Variants in PTPRK observed in about 807,000 individuals in gnomAD.
PTPRK encodes the protein receptor-type tyrosine-protein phosphatase kappa.
A neutral mutation model predicts 178.0 loss-of-function variants in PTPRK; 75 were observed. The ratio of observed to expected loss-of-function variants is 0.42; its 90% CI spans 0.35 to 0.51. The LOEUF is 0.51. Ranked by LOEUF, PTPRK falls within the 20% of genes least tolerant of loss-of-function variation. PTPRK has a pLI of 0.02. For synonymous variants in PTPRK, 637 were observed against 620.6 expected, an observed-to-expected ratio of 1.03 and a Z score of -0.39; for missense variants, 1,441 against 1,797.8, an observed-to-expected ratio of 0.80 and a Z score of 3.59.
chr6:128,183,222 G>A (rs1240667450), intron 7 of PTPRK, among the ~76,000 whole-genome samples: 1 of 152,048 alleles, frequency 6.6e-6, no homozygotes, highest in Non-Finnish European at 1.5e-5. Flanking sequence ...AGATTATGGG[G>A]TCAACTTGCC....
intron 1 of PTPRK, chr6:128,472,669 G>T (rs1360354244): frequency 2.9e-6 from 1 of 347,710 alleles, no homozygotes; most frequent in Admixed American, 3.5e-5. Flanking sequence ...CATACAACTT[G>T]CTCTTTAACC....
At chr6:128,062,099 A>G (rs1014151891) in intron 13 of PTPRK, 1 of 152,420 alleles carries the variant, frequency 6.6e-6, no homozygotes, top group African/African-American at 2.4e-5. Flanking sequence ...TCATATTGAA[A>G]AATTTCACAC....
In PTPRK at chr6:128,140,091, G is replaced by A. The variant is rs116225406; in HGVS notation, c.1162+44341C>T. Among the ~76,000 whole-genome samples, 943 of 152,040 alleles carry A rather than the reference G, an allele frequency of 6.2e-3. 18 individuals carry two copies. Among genetic ancestry groups the A allele is most frequent in the African/African-American group, 0.022 (893 of 41,500 alleles). On this transcript the variant is annotated intron_variant, in intron 7 of 29. Transcript: ENST00000368226. ...CCCTATCTTGCATCCAGATACACAAGTTGCAACATTGCTTCCAGACTCCTT... is the reference window on the plus strand; with the variant it reads ...CCCTATCTTGCATCCAGATACACAAATTGCAACATTGCTTCCAGACTCCTT...
chr6:128,330,465 A>G (rs924367433), intron 2 of PTPRK, among the ~76,000 whole-genome samples: 3 of 151,908 alleles, frequency 2.0e-5, no homozygotes, highest in Admixed American at 6.6e-5. Context: ...AATCAGTTTG[A>G]TTTTTCCCCT....
At chr6:128,337,413 AAT>A (rs1327111044) in intron 2 of PTPRK, among the ~76,000 whole-genome samples, 1 of 152,178 alleles carries the variant, frequency 6.6e-6, no homozygotes, top group Non-Finnish European at 1.5e-5. Context: ...AAAGTTACTG[AAT>A]ATGTAAAGTG....
At chr6:128,466,538 CAG>C (rs1291301128) in intron 1 of PTPRK, among the ~76,000 whole-genome samples, 2 of 152,144 alleles carry the variant, frequency 1.3e-5, no homozygotes, top group South Asian at 2.1e-4. Context: ...TTTGAAATGT[CAG>C]AGTCTAGAAA....
intron 29 of PTPRK, among the ~76,000 whole-genome samples, chr6:127,970,522 T>A (rs1773784889): frequency 6.6e-6 from 1 of 152,098 alleles, no homozygotes; most frequent in African/African-American, 2.4e-5. Flanking sequence ...TTCTATCAAT[T>A]TTTTAAATAT....
intron 7 of PTPRK, among the ~76,000 whole-genome samples, chr6:128,113,698 G>C (rs1246445287): frequency 6.6e-6 from 1 of 151,990 alleles, no homozygotes; most frequent in African/African-American, 2.4e-5. Flanking sequence ...TGTGTATATT[G>C]AAAGACAGTT....
chr6:128,004,583 T>C (rs1778210992), intron 15 of PTPRK, among the ~76,000 whole-genome samples: 1 of 151,782 alleles, frequency 6.6e-6, no homozygotes, highest in East Asian at 1.9e-4. Flanking sequence ...TAGACTAATG[T>C]TTCCCTGAGT....
Position 128,128,465 on chromosome 6 carries a change from C to T in PTPRK, c.1163-38473G>A, listed in dbSNP as rs566599811. 3.8e-4 allele frequency among the ~76,000 whole-genome samples: 58 copies of T among 152,280 alleles called. No individual in the cohort carries two copies. The South Asian group carries it at 9.5e-3, about 25-fold the overall frequency. On this transcript the variant is annotated intron_variant, in intron 7 of 29. Coordinates refer to ENST00000368226, the MANE Select transcript of PTPRK (RefSeq NM_002844.4). The stretch of plus-strand genomic sequence containing the variant: ...CCCTTCAAATGGACACAGGTACAGC[C>T]GTCAATTCTCTTCCCTTGATTCCCA...
intron 6 of PTPRK, among the ~76,000 whole-genome samples, chr6:128,199,896 C>A (rs577519656): frequency 2.0e-4 from 30 of 152,278 alleles, no homozygotes; most frequent in African/African-American, 7.2e-4. Flanking sequence ...TGAAGAATAG[C>A]CATCTGCAAA....
chr6:128,274,010 A>G (rs1820328740), intron 3 of PTPRK, among the ~76,000 whole-genome samples: 1 of 152,162 alleles, frequency 6.6e-6, no homozygotes, highest in Non-Finnish European at 1.5e-5. Flanking sequence ...TTAATATGGT[A>G]AGAGTGAAAA....
intron 2 of PTPRK, among the ~76,000 whole-genome samples, chr6:128,380,581 A>G (rs997930255): frequency 3.3e-5 from 5 of 151,240 alleles, no homozygotes; most frequent in Non-Finnish European, 5.9e-5. Context: ...TGTGTATGCA[A>G]TATTACACTT....
intron 2 of PTPRK, among the ~76,000 whole-genome samples, chr6:128,356,562 C>T (rs1833992995): frequency 6.6e-6 from 1 of 152,144 alleles, no homozygotes; most frequent in Non-Finnish European, 1.5e-5. Flanking sequence ...AACTATTGTT[C>T]TTTTTCCTGC....
chr6:128,009,212 CTCTG>C lies in PTPRK; in HGVS notation c.2247_2250del (p.Asp749GlufsTer3). Reference sequence around the variant, plus strand: ...GCACTAATTCCTGCTATTTTCACCACTCTGTCTGTCTGCTTGGCGGGATCTGGGA... The same window carrying C: ...GCACTAATTCCTGCTATTTTCACCACTCTGTCTGCTTGGCGGGATCTGGGA... On this transcript the variant is annotated frameshift_variant, in exon 14 of 30. Coordinates refer to ENST00000368226, the MANE Select transcript of PTPRK (RefSeq NM_002844.4). LOFTEE classifies it high-confidence loss of function. 3 of 1,609,044 alleles carry C rather than the reference CTCTG, an allele frequency of 1.9e-6. No individual in the cohort carries two copies. Among genetic ancestry groups the C allele is most frequent in the Non-Finnish European group, 2.5e-6 (3 of 1,176,874 alleles).
At chr6:128,402,475 A>G (rs1841153899) in intron 1 of PTPRK, among the ~76,000 whole-genome samples, 1 of 152,126 alleles carries the variant, frequency 6.6e-6, no homozygotes, top group African/African-American at 2.4e-5. Context: ...GATGGTCTCA[A>G]TCTCTTGACC....
chr6:128,376,057 C>T (rs1837028262), intron 2 of PTPRK, among the ~76,000 whole-genome samples: 1 of 152,128 alleles, frequency 6.6e-6, no homozygotes, highest in Non-Finnish European at 1.5e-5. Flanking sequence ...TTTCCAGGCA[C>T]ACAATGCAAG....
chr6:128,022,842 T>C (rs530720542), intron 13 of PTPRK, among the ~76,000 whole-genome samples: 1 of 152,340 alleles, frequency 6.6e-6, no homozygotes, highest in African/African-American at 2.4e-5. Flanking sequence ...TTTCACAATT[T>C]GAGAGACTAG....
rs200405636 is a variant in PTPRK, at chr6:128,011,965, G to GA, written c.2195-2698dup. On this transcript the variant is annotated intron_variant, in intron 13 of 29. Coordinates refer to ENST00000368226, the MANE Select transcript of PTPRK (RefSeq NM_002844.4). ...TCACATTTACCAAGTGGTTAATAAA[G>GA]AAAAAAAAGCCCATTAAGTTATTTA... 8.6e-3 allele frequency among the ~76,000 whole-genome samples: 1,299 copies of GA among 150,702 alleles called. 23 individuals carry two copies. Among genetic ancestry groups the GA allele is most frequent in the African/African-American group, 0.03 (1,220 of 41,276 alleles).
Sources: gnomAD v4.1 joint callset for allele counts (sites outside exome capture counted in the v4.1 genomes callset) on GRCh38, gnomAD v4.1.1 for gene constraint, MANE v1.5 for transcripts, NCBI Gene and HGNC (gene_info 2026-07-23, HGNC 2026-07-21) for gene names.